Variants in NEGR1 observed in about 807,000 individuals in gnomAD.
NEGR1 encodes the protein IgLON family member 4.
Under a neutral mutation model 40.9 loss-of-function variants are expected in NEGR1, and 10 were observed. That is an observed-to-expected ratio of 0.24 (90% CI 0.15 to 0.42). The LOEUF is 0.42. NEGR1 is among the 10% of genes least tolerant of loss of function. NEGR1 has a pLI of 1.00. For missense variants in NEGR1, 352 were observed against 438.9 expected (o/e 0.80, Z 1.77); for synonymous variants, 185 against 166.8 (o/e 1.11, Z -0.84).
At chr1:71,564,186 T>A (rs1648547623) in intron 6 of NEGR1, among the ~76,000 whole-genome samples, 1 of 152,038 alleles carries the variant, frequency 6.6e-6, no homozygotes, top group Non-Finnish European at 1.5e-5. Context: ...TCTCAGGTGA[T>A]CTGTTTGCAC....
intron 2 of NEGR1, among the ~76,000 whole-genome samples, chr1:71,823,203 ATT>A (rs35710660): frequency 7.2e-4 from 101 of 140,592 alleles, no homozygotes; most frequent in African/African-American, 1.7e-3. Flanking sequence ...TTTCTGCATC[ATT>A]TTTTTTTTTT....
intron 1 of NEGR1, among the ~76,000 whole-genome samples, chr1:72,146,274 C>T (rs1360973209): frequency 2.0e-5 from 3 of 152,102 alleles, no homozygotes; most frequent in East Asian, 1.9e-4. Flanking sequence ...GAAAGCCTGC[C>T]ATCGTCTGTT....
At chr1:71,606,004 T>C (rs572982606) in intron 5 of NEGR1, among the ~76,000 whole-genome samples, 10 of 152,320 alleles carry the variant, frequency 6.6e-5, no homozygotes, top group African/African-American at 1.9e-4. Context: ...CAGATGACTC[T>C]CACCTCTTGA....
At chr1:71,555,823 C>G (rs1282584115) in intron 6 of NEGR1, among the ~76,000 whole-genome samples, 1 of 151,504 alleles carries the variant, frequency 6.6e-6, no homozygotes, top group Non-Finnish European at 1.5e-5. Flanking sequence ...GTCCTTCACT[C>G]TCACTGAAGT....
intron 2 of NEGR1, among the ~76,000 whole-genome samples, chr1:71,814,512 T>G (rs1234688324): frequency 6.6e-6 from 1 of 152,142 alleles, no homozygotes; most frequent in Non-Finnish European, 1.5e-5. Flanking sequence ...GTAACTCTGG[T>G]AGAATTCAGC....
At chr1:71,576,451 T>A (rs1363054597) in intron 6 of NEGR1, among the ~76,000 whole-genome samples, 1 of 152,302 alleles carries the variant, frequency 6.6e-6, no homozygotes, top group Middle Eastern at 3.4e-3. Context: ...TGTGAATCAC[T>A]CAGAGATTCT....
intron 6 of NEGR1, among the ~76,000 whole-genome samples, chr1:71,443,108 C>T (rs1045484576): frequency 6.6e-6 from 1 of 152,064 alleles, no homozygotes; most frequent in African/African-American, 2.4e-5. Context: ...GTAATTTTAC[C>T]GATTTGTGTT....
At chr1:71,736,343 T>C (rs895651168) in intron 3 of NEGR1, among the ~76,000 whole-genome samples, 3 of 152,162 alleles carry the variant, frequency 2.0e-5, no homozygotes, top group Non-Finnish European at 4.4e-5. Context: ...CAAGAACTAT[T>C]TTTTTCCTTT....
chr1:71,913,259 C>T (rs945858726), intron 2 of NEGR1, among the ~76,000 whole-genome samples: 3 of 152,092 alleles, frequency 2.0e-5, no homozygotes, highest in Non-Finnish European at 2.9e-5. Context: ...GGATAACAGG[C>T]GCCTGCCACC....
chr1:71,936,016 C>A (rs1422375028), intron 1 of NEGR1, among the ~76,000 whole-genome samples: 2 of 152,086 alleles, frequency 1.3e-5, no homozygotes, highest in African/African-American at 4.8e-5. Context: ...CCAGACTGGT[C>A]TTGAACTCCT....
At chr1:71,671,903 T>C (rs1244235247) in intron 4 of NEGR1, among the ~76,000 whole-genome samples, 1 of 149,110 alleles carries the variant, frequency 6.7e-6, no homozygotes, top group Non-Finnish European at 1.5e-5. Context: ...CTTTTTTTTT[T>C]TTTTTTTTGT....
chr1:72,134,574 A>G (rs1311393586), intron 1 of NEGR1, among the ~76,000 whole-genome samples: 2 of 151,720 alleles, frequency 1.3e-5, no homozygotes, highest in Non-Finnish European at 2.9e-5. Context: ...TACAATGGCA[A>G]TTTCATGCCT....
At chr1:71,657,114 GAATGTCTTGAAAT>G (rs1218396662) in intron 4 of NEGR1, among the ~76,000 whole-genome samples, 3 of 152,172 alleles carry the variant, frequency 2.0e-5, no homozygotes, top group Non-Finnish European at 4.4e-5. Flanking sequence ...AGTCCACAAA[GAATGTCTTGAAAT>G]AGCTTTACAC....
rs148568278 is a variant in NEGR1, at chr1:71,471,823, C to T, written c.941-64253G>A. On this transcript the variant is annotated intron_variant, in intron 6 of 6. Transcript: ENST00000357731. The stretch of plus-strand genomic sequence containing the variant: ...CTTGATCAACAGATTGTGTCAGTGA[C>T]GTTTGAGGAGCCAGTATTCCACAGT... 2.1e-3 allele frequency among the ~76,000 whole-genome samples: 323 copies of T among 152,190 alleles called. 1 individual carries two copies. Among genetic ancestry groups the T allele is most frequent in the African/African-American group, 7.4e-3 (309 of 41,540 alleles).
At chr1:71,663,257 AT>A in intron 4 of NEGR1, among the ~76,000 whole-genome samples, 2 of 152,154 alleles carry the variant, frequency 1.3e-5, no homozygotes, top group Non-Finnish European at 2.9e-5. Flanking sequence ...ATGACCGGCC[AT>A]TTTTTAGTTT....
intron 1 of NEGR1, among the ~76,000 whole-genome samples, chr1:72,025,477 T>C (rs1646799166): frequency 6.6e-6 from 1 of 152,152 alleles, no homozygotes; most frequent in South Asian, 2.1e-4. Flanking sequence ...ATTCAATAAC[T>C]ATCTAAGGAA....
chr1:72,139,795 T>C (rs1650604177), intron 1 of NEGR1, among the ~76,000 whole-genome samples: 1 of 152,098 alleles, frequency 6.6e-6, no homozygotes, highest in African/African-American at 2.4e-5. Context: ...ATGTTTACTA[T>C]CTTGATTGTA....
intron 5 of NEGR1, among the ~76,000 whole-genome samples, chr1:71,608,160 A>G (rs1288880898): frequency 6.6e-6 from 1 of 152,206 alleles, no homozygotes; most frequent in African/African-American, 2.4e-5. Context: ...ATGATATTTG[A>G]GAATTTGAGT....
chr1:72,014,339 G>A lies in NEGR1; in HGVS notation c.177-79028C>T, dbSNP rs182765851. On this transcript the variant is annotated intron_variant, in intron 1 of 6. Transcript: ENST00000357731. ...AGGAACTGCCTGAAGTCACATAAGTGGTAAGTGATATTGAATCTAGGACTG... is the reference window on the plus strand; with the variant it reads ...AGGAACTGCCTGAAGTCACATAAGTAGTAAGTGATATTGAATCTAGGACTG... 5.3e-3 allele frequency among the ~76,000 whole-genome samples: 796 copies of A among 149,866 alleles called. 5 individuals are homozygous for A. In the Middle Eastern group the frequency reaches 0.078, roughly 15 times the overall value.
Sources: allele counts gnomAD v4.1 joint callset (sites outside exome capture counted in the v4.1 genomes callset), GRCh38; gene constraint gnomAD v4.1.1; transcripts MANE v1.5; gene names NCBI Gene and HGNC (gene_info 2026-07-23, HGNC 2026-07-21).